SPEG: variants seen among roughly 807,000 people sequenced by gnomAD.
SPEG encodes striated muscle enriched protein kinase.
A neutral mutation model predicts 300.4 loss-of-function variants in SPEG; 114 were observed. The observed-to-expected ratio is 0.38, with a 90% confidence interval of 0.33 to 0.44. The LOEUF (loss-of-function observed/expected upper bound fraction) is 0.44. Ranked by LOEUF, SPEG falls within the 20% of genes least tolerant of loss-of-function variation. The pLI is 1.00. For missense variants in SPEG, 4,201 were observed against 4,586.2 expected (o/e 0.92, Z 2.43); for synonymous variants, 1,964 against 2,018.9 (o/e 0.97, Z 0.73).
Position 219,476,865 on chromosome 2 carries a change from T to C in SPEG, c.4448-5T>C. 9 of 1,612,546 alleles carry C rather than the reference T, an allele frequency of 5.6e-6. 1 individual carries two copies. The highest frequency in any genetic ancestry group is 7.6e-6 in the Non-Finnish European group (9 of 1,178,990). ...TCTTCCCACCCCTATCCCCATGTGT[T>C]TCAGAGGCCCCTCGGTTTGAGTCCA... is the stretch of plus-strand genomic sequence containing the variant. On this transcript the variant is annotated splice_polypyrimidine_tract_variant and splice_region_variant and intron_variant, in intron 18 of 40. Transcript: ENST00000312358.
chr2:219,482,799 G>T lies in SPEG; in HGVS notation c.5581G>T (p.Ala1861Ser). 1.2e-6 allele frequency: 2 copies of T among 1,613,804 alleles called. No individual in the cohort carries two copies. The highest frequency in any genetic ancestry group is 1.7e-6 in the Non-Finnish European group (2 of 1,179,884). Residue 1861 changes from alanine (A) to serine (S), a missense_variant, in exon 29 of 41, where the codon GCA becomes TCA. Coordinates refer to ENST00000312358, the MANE Select transcript of SPEG (RefSeq NM_005876.5). ...HPWFKTQAKG[A>S]EVSTDHLKLF... ...GGGTTTGCAGACTCAGGCAAAGGGC[G>T]CAGAGGTGAGCACGGATCACCTGAA...
rs138424535 is a variant in SPEG, at chr2:219,459,734, G to A, written c.2441-2148G>A. Among the ~76,000 whole-genome samples, 29 of 152,310 alleles carry A rather than the reference G, an allele frequency of 1.9e-4. No individual in the cohort carries two copies. Among genetic ancestry groups the A allele is most frequent in the Non-Finnish European group, 2.9e-4 (20 of 68,030 alleles). On this transcript the variant is annotated intron_variant, in intron 6 of 40. Coordinates refer to ENST00000312358, the MANE Select transcript of SPEG (RefSeq NM_005876.5). This position sits in a 1 kb window ranked among gnomAD's most constrained non-coding sequence, Gnocchi z 4.9. The stretch of plus-strand genomic sequence containing the variant: ...CCAGGCTCCATAGAGGGGTAGGACC[G>A]CCCACCTGCGGAGCCATGCCTGTGA...
In SPEG at chr2:219,483,760, T is replaced by G. The variant is rs1693093181; in HGVS notation, c.6297T>G (p.Ala2099=). 2 of 1,546,424 alleles carry G rather than the reference T, an allele frequency of 1.3e-6. No individual in the cohort carries two copies. Among genetic ancestry groups the G allele is most frequent in the Non-Finnish European group, 1.7e-6 (2 of 1,153,220 alleles). The change falls in exon 30 of 41, where the codon GCT becomes GCG. Residue 2099 remains alanine (A), a synonymous_variant. Transcript: ENST00000312358. ...GPLLESLGGR[A]RDPRMARAAS... ...TGCTGGAGAGCCTGGGGGGCCGTGC[T>G]CGGGACCCCCGGATGGCACGAGCTG...
At position 219,472,163 on chromosome 2, in the gene SPEG, C is replaced by T; in HGVS notation, c.3836-64C>T. ...CAGGCCCTAGCCTCCTGCCCTGAGG[C>T]TCGGTGATCCTGTGGGGCTGTTGGG... On this transcript the variant is annotated intron_variant, in intron 14 of 40. Transcript: ENST00000312358. 9 of 1,566,178 alleles carry T rather than the reference C, an allele frequency of 5.7e-6. No homozygotes were observed. In the South Asian group the frequency reaches 1.0e-4, roughly 18 times the overall value.
At chr2:219,435,898 G>A (rs1954706332) in intron 1 of SPEG, among the ~76,000 whole-genome samples, 1 of 152,218 alleles carries the variant, frequency 6.6e-6, no homozygotes, top group Admixed American at 6.5e-5. Context: ...GAGGCCTATG[G>A]TTGGCCACGT....
At chr2:219,463,593 T>C (rs1379228349) in intron 8 of SPEG, among the ~76,000 whole-genome samples, 2 of 151,432 alleles carry the variant, frequency 1.3e-5, no homozygotes, top group African/African-American at 4.9e-5. Flanking sequence ...TTGTATTTTT[T>C]GTAGAGGCAG....
intron 31 of SPEG, 76 bp from the exon 32 acceptor site, chr2:219,488,118 C>T: frequency 1.1e-6 from 1 of 914,118 alleles, no homozygotes; most frequent in Admixed American, 2.3e-5. Context: ...TGTTTGCAGG[C>T]CTTCTCCACC....
Position 219,479,114 on chromosome 2 carries a change from G to T in SPEG, c.5028-30G>T. ...TGGGCTGGGCCGGGCAGTTGGCACT[G>T]GGCACTGTTCTCCTTGATCTGGGAT... On this transcript the variant is annotated intron_variant, in intron 22 of 40. Coordinates refer to ENST00000312358, the MANE Select transcript of SPEG (RefSeq NM_005876.5). This position sits in a 1 kb window ranked among gnomAD's most constrained non-coding sequence, Gnocchi z 5.5. 2 of 1,609,604 alleles carry T rather than the reference G, an allele frequency of 1.2e-6. No homozygotes were observed.
rs1689509125 is a variant in SPEG at position 219,448,723 on chromosome 2, A to G, written c.1565A>G (p.Gln522Arg). 2.0e-6 allele frequency: 3 copies of G among 1,491,674 alleles called. No individual in the cohort carries two copies. Among genetic ancestry groups the G allele is most frequent in the East Asian group, 2.8e-5 (1 of 35,360 alleles). 92.4% of individuals were successfully genotyped at this position (1,491,674 alleles called of 1,614,324 possible). A position where few individuals can be genotyped will look rare whatever the true frequency, so the allele number is the denominator to read the frequency against. Residue 522 changes from glutamine (Q) to arginine (R), a missense_variant, in exon 4 of 41, where the codon CAG becomes CGG. Around this residue, in one of 4 missense-constraint regions of SPEG, gnomAD observed 1,258 missense variants for 1,293.9 expected, o/e 0.97. Coordinates refer to ENST00000312358, the MANE Select transcript of SPEG (RefSeq NM_005876.5). ...RSHESLRATL[Q>R]RAPSPREPGE... ...CACGAGTCCCTGCGCGCCACGCTGC[A>G]GCGTGCCCCATCCCCTCGAGAGCCC...
chr2:219,490,904 C>T lies in SPEG; in HGVS notation c.9333C>T (p.Asn3111=), dbSNP rs1693909580. ...ACTTTGGCAGTGCCCAGCCCTACAA[C>T]CCCCAGGCCCTTAGGCCCCTTGGCC... ...IVDFGSAQPY[N]PQALRPLGHR... Residue 3111 remains asparagine (N), a synonymous_variant, in exon 38 of 41, where the codon AAC becomes AAT. Coordinates refer to ENST00000312358, the MANE Select transcript of SPEG (RefSeq NM_005876.5). 6.2e-7 allele frequency: 1 copy of T among 1,613,822 alleles called. No individual in the cohort carries two copies. The highest frequency in any genetic ancestry group is 8.5e-7 in the Non-Finnish European group (1 of 1,180,022).
chr2:219,448,310 G>A lies in SPEG; in HGVS notation c.1152G>A (p.Leu384=). The A allele has an allele frequency of 6.2e-7, 1 of 1,607,520 alleles. No individual in the cohort carries two copies. The highest frequency in any genetic ancestry group is 8.5e-7 in the Non-Finnish European group (1 of 1,177,866). ...QTPLSEASGR[L]SALGRSPRLV... ...CACTGAGCGAGGCCTCAGGCCGCCT[G>A]TCGGCGTTGGGCCGATCGCCTAGGC... The change falls in exon 4 of 41, where the codon CTG becomes CTA. Residue 384 remains leucine, a synonymous_variant. Coordinates refer to ENST00000312358, the MANE Select transcript of SPEG (RefSeq NM_005876.5).
chr2:219,465,922 TGCGCGC>T (rs796752394), intron 9 of SPEG: 457 of 223,660 alleles, frequency 2.0e-3, no homozygotes, highest in Admixed American at 2.7e-3. Flanking sequence ...CGTGTGTGTG[TGCGCGC>T]GTGTGCGTGC....
At position 219,451,790 on chromosome 2, in the gene SPEG, C is replaced by T; in HGVS notation, c.2423C>T (p.Ser808Leu). 1 of 1,547,408 alleles carries T rather than the reference C, an allele frequency of 6.5e-7. No homozygotes were observed. The change falls in exon 6 of 41, where the codon TCA (serine) becomes TTA (leucine). Residue 808 changes from serine (S) to leucine (L), a missense_variant. Coordinates refer to ENST00000312358, the MANE Select transcript of SPEG (RefSeq NM_005876.5). The surrounding 1 kb of genome is among the most constrained non-coding windows in gnomAD (Gnocchi z 6.4). ...CTGGGCCAGGCCACCTGTGCCGCCTCACTGACCGTGAGACCCGGTAGGGAG... is the reference window on the plus strand; with the variant it reads ...CTGGGCCAGGCCACCTGTGCCGCCTTACTGACCGTGAGACCCGGTAGGGAG... ...NELGQATCAA[S>L]LTVRPGGSTS...
Position 219,435,261 on chromosome 2 carries a change from T to G in SPEG, c.284T>G (p.Leu95Arg). The G allele has an allele frequency of 2.0e-6, 3 of 1,489,394 alleles. No homozygotes were observed. The highest frequency in any genetic ancestry group is 2.7e-6 in the Non-Finnish European group (3 of 1,129,256). 92.3% of individuals were successfully genotyped at this position (1,489,394 alleles called of 1,614,324 possible). A position where few individuals can be genotyped will look rare whatever the true frequency, so the allele number is the denominator to read the frequency against. The part of the protein sequence containing the change: ...APAPEPSCLW[L>R]RRCGAQDAGV... The stretch of plus-strand genomic sequence containing the variant: ...GCCCCCGAGCCCAGCTGCCTGTGGC[T>G]GCGGCGCTGCGGGGCGCAGGACGCC... Residue 95 changes from leucine to arginine, a missense_variant, in exon 1 of 41, where the codon CTG becomes CGG. Around this residue, in one of 4 missense-constraint regions of SPEG, gnomAD observed 1,258 missense variants for 1,293.9 expected, o/e 0.97. Coordinates refer to ENST00000312358, the MANE Select transcript of SPEG (RefSeq NM_005876.5).
chr2:219,434,874 A>T lies in SPEG; in HGVS notation c.-104A>T. ...GGCCGAAGGCGGGCGGGCAGCAGGA[A>T]GGCAGGCCGCCGGCCCCCCAGACTT... is the stretch of plus-strand genomic sequence containing the variant. On this transcript the variant is annotated 5_prime_UTR_variant, in exon 1 of 41. The change creates a new upstream start codon in the 5' untranslated region. Transcript: ENST00000312358. 1.3e-6 allele frequency: 1 copy of T among 741,598 alleles called. No individual in the cohort carries two copies. The highest frequency in any genetic ancestry group is 2.0e-6 in the Non-Finnish European group (1 of 493,786). The allele number at this position is 741,598 out of a possible 1,614,324, so 45.9% of individuals were successfully genotyped here. A position where few individuals can be genotyped will look rare whatever the true frequency, so the allele number is the denominator to read the frequency against.
At chr2:219,438,002 T>A (rs1434923422) in intron 1 of SPEG, among the ~76,000 whole-genome samples, 1 of 152,136 alleles carries the variant, frequency 6.6e-6, no homozygotes, top group Non-Finnish European at 1.5e-5. Flanking sequence ...GATGCTAGGT[T>A]CCTGGCACTC....
Position 219,451,825 on chromosome 2 carries a change from C to T in SPEG, c.2440+18C>T. Reference sequence around the variant, plus strand: ...GAGACCCGGTAGGGAGCCCATCAACCCTGGGGCTGGGTGGGGGCAAGCCGT... The same window carrying T: ...GAGACCCGGTAGGGAGCCCATCAACTCTGGGGCTGGGTGGGGGCAAGCCGT... On this transcript the variant is annotated intron_variant, in intron 6 of 40. Transcript: ENST00000312358. This position sits in a 1 kb window ranked among gnomAD's most constrained non-coding sequence, Gnocchi z 6.4. The T allele has an allele frequency of 2.6e-6, 4 of 1,511,266 alleles. No homozygotes were observed. The highest frequency in any genetic ancestry group is 1.3e-5 in the South Asian group (1 of 78,794). The allele number at this position is 1,511,266 out of a possible 1,614,324, so 93.6% of individuals were successfully genotyped here. A position where few individuals can be genotyped will look rare whatever the true frequency, so the allele number is the denominator to read the frequency against.
chr2:219,482,969 T>C, intron 29 of SPEG, 117 bp downstream of exon 29: 3 of 1,405,258 alleles, frequency 2.1e-6, no homozygotes, highest in South Asian at 1.2e-5. Context: ...ACTGGCTCCA[T>C]GCCTAGCTTC....
Position 219,451,785 on chromosome 2 carries a change from C to T in SPEG, c.2418C>T (p.Ala806=), listed in dbSNP as rs767266223. The T allele has an allele frequency of 8.4e-6, 13 of 1,549,100 alleles. No individual in the cohort carries two copies. The highest frequency in any genetic ancestry group is 7.2e-5 in the South Asian group (6 of 83,640). ...ATNELGQATC[A]ASLTVRPGGS... is the part of the protein sequence containing the mutation. ...ACGAGCTGGGCCAGGCCACCTGTGC[C>T]GCCTCACTGACCGTGAGACCCGGTA... The change falls in exon 6 of 41, where the codon GCC becomes GCT. Residue 806 remains alanine, a synonymous_variant. Coordinates refer to ENST00000312358, the MANE Select transcript of SPEG (RefSeq NM_005876.5). The surrounding 1 kb of genome is among the most constrained non-coding windows in gnomAD (Gnocchi z 6.4).
Sources: gnomAD v4.1 joint callset for allele counts (sites outside exome capture counted in the v4.1 genomes callset) on GRCh38, gnomAD v4.1.1 for gene constraint, gnomAD v4.1.1 regional missense constraint, Gnocchi (gnomAD v3.1) non-coding constraint, MANE v1.5 for transcripts, NCBI Gene and HGNC (gene_info 2026-07-23, HGNC 2026-07-21) for gene names.